Variants in B3GALT5 observed in about 807,000 individuals in gnomAD.
The protein encoded by B3GALT5 is UDP-Gal:betaGlcNAc beta 1,3-galactosyltransferase, polypeptide 5.
For missense variants in B3GALT5, 328 were observed against 396.6 expected (o/e 0.83, Z 1.47); for synonymous variants, 156 against 158.6 (o/e 0.98, Z 0.12).
At chr21:39,637,314 G>A (rs2079235341) in intron 1 of B3GALT5, among the ~76,000 whole-genome samples, 1 of 152,192 alleles carries the variant, frequency 6.6e-6, no homozygotes, top group African/African-American at 2.4e-5. Flanking sequence ...GGCATTACAG[G>A]GAATCCTAAA....
chr21:39,656,372 C>A (rs368658288), intron 2 of B3GALT5, among the ~76,000 whole-genome samples: 4 of 152,302 alleles, frequency 2.6e-5, no homozygotes, highest in South Asian at 4.2e-4. Flanking sequence ...CCCCGGGTTT[C>A]CTTGGTCTGG....
At chr21:39,636,943 G>A (rs2079232345) in intron 1 of B3GALT5, among the ~76,000 whole-genome samples, 1 of 152,104 alleles carries the variant, frequency 6.6e-6, no homozygotes, top group Non-Finnish European at 1.5e-5. Flanking sequence ...TTTACACTGA[G>A]CCATGTGTTG....
In B3GALT5 at chr21:39,612,968, G is replaced by A. The variant is rs1001520044; in HGVS notation, c.-491G>A. ...CTCGGCCTGGACCCAGCGCCTCCGG[G>A]GACCGGCCGCGCGCCCCCTGCGTCC... is the stretch of plus-strand genomic sequence containing the variant. On this transcript the variant is annotated 5_prime_UTR_variant, in exon 1 of 4. Coordinates refer to ENST00000684187, the MANE Select transcript of B3GALT5 (RefSeq NM_001356336.2). 2.6e-5 allele frequency: 4 copies of A among 151,832 alleles called. No individual in the cohort carries two copies. The highest frequency in any genetic ancestry group is 3.9e-4 in the East Asian group (2 of 5,154). 9.4% of individuals were successfully genotyped at this position (151,832 alleles called of 1,614,324 possible).
chr21:39,666,029 G>T lies in B3GALT5; in HGVS notation c.*4537G>T, dbSNP rs1475473448. 6.6e-6 allele frequency: 1 copy of T among 152,018 alleles called. No homozygotes were observed. The highest frequency in any genetic ancestry group is 2.4e-5 in the African/African-American group (1 of 41,362). 9.4% of individuals were successfully genotyped at this position (152,018 alleles called of 1,614,324 possible). ...TGGTATGGTAGGTGGGTTTTAGAAG[G>T]GAATGGGTGAACCAGGACTGAAAAA... On this transcript the variant is annotated 3_prime_UTR_variant, in exon 4 of 4. Transcript: ENST00000684187.
intron 1 of B3GALT5, among the ~76,000 whole-genome samples, chr21:39,622,530 A>G (rs1420600847): frequency 6.6e-6 from 1 of 152,026 alleles, no homozygotes; most frequent in Non-Finnish European, 1.5e-5. Flanking sequence ...TTTGCCTTAC[A>G]TAGCTGCATT....
In B3GALT5 at chr21:39,672,907, G is replaced by C. The variant is rs1321230732; in HGVS notation, c.*11415G>C. 2 of 152,196 alleles carry C rather than the reference G, an allele frequency of 1.3e-5. No homozygotes were observed. Among genetic ancestry groups the C allele is most frequent in the East Asian group, 1.9e-4 (1 of 5,192 alleles). 9.4% of individuals were successfully genotyped at this position (152,196 alleles called of 1,614,324 possible). On this transcript the variant is annotated 3_prime_UTR_variant, in exon 4 of 4. Coordinates refer to ENST00000684187, the MANE Select transcript of B3GALT5 (RefSeq NM_001356336.2). ...GGGGTGGGGCAGTGTCCATTGAGGT[G>C]TCCTGTCGGGAATGACAAGTCCAGG...
chr21:39,660,599 C>G lies in B3GALT5; in HGVS notation c.40C>G (p.Leu14Val), dbSNP rs2079503494. The G allele has an allele frequency of 6.9e-7, 1 of 1,442,736 alleles. No homozygotes were observed. The highest frequency in any genetic ancestry group is 1.4e-5 in the African/African-American group (1 of 70,450). 89.4% of individuals were successfully genotyped at this position (1,442,736 alleles called of 1,614,324 possible). ...GATGAGATTGATGTATATTTGCCTT[C>G]TGGTTCTGGGGGCTCTTTGTTTGTA... ...PKMRLMYICL[L>V]VLGALCLYFS... Residue 14 changes from leucine to valine, a missense_variant, in exon 4 of 4, where the codon CTG becomes GTG. Physicochemically the swap from Leu to Val is conservative, Grantham distance 32. Transcript: ENST00000684187.
chr21:39,647,390 C>T (rs2079350831), intron 2 of B3GALT5, among the ~76,000 whole-genome samples: 1 of 152,078 alleles, frequency 6.6e-6, no homozygotes, highest in East Asian at 1.9e-4. Context: ...TCCAGCAGGC[C>T]AGTTTCTAGA....
At chr21:39,639,167 G>C (rs1214012909) in intron 1 of B3GALT5, among the ~76,000 whole-genome samples, 4 of 152,176 alleles carry the variant, frequency 2.6e-5, no homozygotes, top group Non-Finnish European at 5.9e-5. Context: ...CATGGAGTTT[G>C]TAGGTGAGGT....
chr21:39,655,259 CAGG>C (rs2079431575), intron 2 of B3GALT5, among the ~76,000 whole-genome samples: 1 of 152,238 alleles, frequency 6.6e-6, no homozygotes, highest in Non-Finnish European at 1.5e-5. Flanking sequence ...GGCAGTCAGG[CAGG>C]AGAACTTTCC....
At position 39,663,819 on chromosome 21, in the gene B3GALT5, C is replaced by T. The variant is rs923486524; in HGVS notation, c.*2327C>T. 1 of 152,228 alleles carries T rather than the reference C, an allele frequency of 6.6e-6. No homozygotes were observed. Among genetic ancestry groups the T allele is most frequent in the Admixed American group, 6.5e-5 (1 of 15,278 alleles). The allele number at this position is 152,228 out of a possible 1,614,324, so 9.4% of individuals were successfully genotyped here. ...TTGCAGAAGGAGGGTTCCAGCTCAGCGTGGGTTTCCTGGTGCTGTCTTGTC... is the reference window on the plus strand; with the variant it reads ...TTGCAGAAGGAGGGTTCCAGCTCAGTGTGGGTTTCCTGGTGCTGTCTTGTC... On this transcript the variant is annotated 3_prime_UTR_variant, in exon 4 of 4. Transcript: ENST00000684187.
rs113333459 is a variant in B3GALT5 at position 39,660,906 on chromosome 21, A to G, written c.347A>G (p.His116Arg). 1 of 1,611,284 alleles carries G rather than the reference A, an allele frequency of 6.2e-7. No individual in the cohort carries two copies. Among genetic ancestry groups the G allele is most frequent in the Non-Finnish European group, 8.5e-7 (1 of 1,178,588 alleles). Reference sequence around the variant, plus strand: ...GAGGTGGACCAGGAGAGCCAGCGACACGGGGACATTATCCAGAAGGATTTC... The same window carrying G: ...GAGGTGGACCAGGAGAGCCAGCGACGCGGGGACATTATCCAGAAGGATTTC... ...TKEVDQESQR[H>R]GDIIQKDFLD... is the part of the protein sequence containing the mutation. Residue 116 changes from histidine to arginine, a missense_variant, in exon 4 of 4, where the codon CAC (histidine) becomes CGC (arginine). By Grantham distance (29) the His-to-Arg change is conservative. Coordinates refer to ENST00000684187, the MANE Select transcript of B3GALT5 (RefSeq NM_001356336.2).
rs1321995331 is a variant in B3GALT5 at position 39,671,281 on chromosome 21, CA to C, written c.*9790del. On this transcript the variant is annotated 3_prime_UTR_variant, in exon 4 of 4. Coordinates refer to ENST00000684187, the MANE Select transcript of B3GALT5 (RefSeq NM_001356336.2). ...GCAGGAATTATTTGCTTTCTCATAA[CA>C]TTTTTTTAATTAATTAATTTTCAGC... 1 of 152,202 alleles carries C rather than the reference CA, an allele frequency of 6.6e-6. No individual in the cohort carries two copies. Among genetic ancestry groups the C allele is most frequent in the Non-Finnish European group, 1.5e-5 (1 of 68,032 alleles). The allele number at this position is 152,202 out of a possible 1,614,324, so 9.4% of individuals were successfully genotyped here. A position where few individuals can be genotyped will look rare whatever the true frequency, so the allele number is the denominator to read the frequency against.
chr21:39,654,830 A>G (rs1040236990), intron 2 of B3GALT5, among the ~76,000 whole-genome samples: 2 of 152,250 alleles, frequency 1.3e-5, no homozygotes, highest in African/African-American at 4.8e-5. Flanking sequence ...TTTAAGCAAT[A>G]AAGTATTTTT....
At position 39,627,566 on chromosome 21, in the gene B3GALT5, C is replaced by T. The variant is rs114389914; in HGVS notation, c.-392+14499C>T. On this transcript the variant is annotated intron_variant, in intron 1 of 3. Coordinates refer to ENST00000684187, the MANE Select transcript of B3GALT5 (RefSeq NM_001356336.2). ...ATCCCCTTTCACCTCCATTTCCCCC[C>T]AACCTTTTTTTTTTCTAAATTCTGT... Among the ~76,000 whole-genome samples, 1,308 of 152,050 alleles carry T rather than the reference C, an allele frequency of 8.6e-3. 6 individuals are homozygous for T. Among genetic ancestry groups the T allele is most frequent in the African/African-American group, 0.014 (598 of 41,436 alleles).
At position 39,663,459 on chromosome 21, in the gene B3GALT5, T is replaced by A. The variant is rs1404540098; in HGVS notation, c.*1967T>A. On this transcript the variant is annotated 3_prime_UTR_variant, in exon 4 of 4. Coordinates refer to ENST00000684187, the MANE Select transcript of B3GALT5 (RefSeq NM_001356336.2). ...TTGTTTCCCCTCCCCTCCCCTCCCC[T>A]CCCATCCCCTTCCCTCTTCTTTTCT... 3 of 112,768 alleles carry A rather than the reference T, an allele frequency of 2.7e-5. No homozygotes were observed. In the South Asian group the frequency reaches 9.6e-4, roughly 36 times the overall value. 7.0% of individuals were successfully genotyped at this position (112,768 alleles called of 1,614,324 possible).
intron 1 of B3GALT5, among the ~76,000 whole-genome samples, chr21:39,632,684 G>A (rs1047541261): frequency 1.3e-5 from 2 of 152,192 alleles, no homozygotes; most frequent in Non-Finnish European, 2.9e-5. Flanking sequence ...GGCAGTCACC[G>A]TCTCACCAGG....
intron 1 of B3GALT5, among the ~76,000 whole-genome samples, chr21:39,617,186 T>A (rs1429565157): frequency 1.3e-5 from 2 of 152,222 alleles, no homozygotes; most frequent in Non-Finnish European, 2.9e-5. Flanking sequence ...AATCTGTGAT[T>A]AATTATGGTA....
At chr21:39,622,253 T>C (rs1032934684) in intron 1 of B3GALT5, among the ~76,000 whole-genome samples, 17 of 152,152 alleles carry the variant, frequency 1.1e-4, no homozygotes, top group African/African-American at 3.9e-4. Context: ...ATGTTTACTT[T>C]CTGTTTCTGT....
Sources: gnomAD v4.1 joint callset for allele counts (sites outside exome capture counted in the v4.1 genomes callset) on GRCh38, gnomAD v4.1.1 for gene constraint, MANE v1.5 for transcripts, NCBI Gene and HGNC (gene_info 2026-07-23, HGNC 2026-07-21) for gene names.